DCC: variants seen among roughly 807,000 people sequenced by gnomAD.
DCC encodes netrin receptor DCC.
DCC carries 58 observed loss-of-function variants against 172.5 expected under a neutral mutation model. The ratio of observed to expected loss-of-function variants is 0.34; its 90% CI spans 0.27 to 0.42. DCC has a LOEUF of 0.42. Ranked by LOEUF, DCC falls within the 10% of genes least tolerant of loss-of-function variation. The pLI, the probability that DCC is intolerant of heterozygous loss-of-function variation, is 1.00. For synonymous variants in DCC, 709 were observed against 644.5 expected (o/e 1.10, Z -1.52); for missense variants, 1,740 against 1,791.0 (o/e 0.97, Z 0.51).
intron 1 of DCC, among the ~76,000 whole-genome samples, chr18:52,494,865 A>G (rs898293987): frequency 1.3e-5 from 2 of 152,050 alleles, no homozygotes; most frequent in African/African-American, 4.8e-5. Flanking sequence ...ATCTTGTCAC[A>G]CCTAGTAATT....
intron 15 of DCC, among the ~76,000 whole-genome samples, chr18:53,358,050 G>A (rs1326264293): frequency 6.6e-6 from 1 of 152,006 alleles, no homozygotes; most frequent in Non-Finnish European, 1.5e-5. Context: ...GATTGTAAAT[G>A]CTTCTTATTT....
intron 12 of DCC, among the ~76,000 whole-genome samples, chr18:53,251,128 T>G (rs1461553293): frequency 6.6e-6 from 1 of 151,946 alleles, no homozygotes; most frequent in Non-Finnish European, 1.5e-5. Flanking sequence ...TATTCCCTGA[T>G]CTGATTATTA....
chr18:52,398,841 C>G (rs1986331473), intron 1 of DCC, among the ~76,000 whole-genome samples: 1 of 151,760 alleles, frequency 6.6e-6, no homozygotes, highest in African/African-American at 2.4e-5. Flanking sequence ...AAGGGATGTC[C>G]TTTTCTAATT....
intron 5 of DCC, among the ~76,000 whole-genome samples, chr18:52,969,289 C>A (rs2040983965): frequency 6.6e-6 from 1 of 152,008 alleles, no homozygotes; most frequent in Non-Finnish European, 1.5e-5. Context: ...GCATCTAAAG[C>A]ACCAAATAGC....
intron 1 of DCC, among the ~76,000 whole-genome samples, chr18:52,623,474 T>C (rs2034518458): frequency 6.6e-6 from 1 of 152,156 alleles, no homozygotes; most frequent in Admixed American, 6.5e-5. Context: ...GTTTCTAAAG[T>C]GTGGGGGGAG....
At chr18:53,335,009 T>A (rs572702042) in intron 14 of DCC, among the ~76,000 whole-genome samples, 1 of 152,182 alleles carries the variant, frequency 6.6e-6, no homozygotes, top group Non-Finnish European at 1.5e-5. Context: ...TGAGGGACCC[T>A]TATATGGTTT....
intron 7 of DCC, among the ~76,000 whole-genome samples, chr18:53,104,638 C>T (rs1598805915): frequency 6.6e-6 from 1 of 152,036 alleles, no homozygotes; most frequent in African/African-American, 2.4e-5. Context: ...TTGTTTATCA[C>T]TGGAACAGTT....
intron 14 of DCC, among the ~76,000 whole-genome samples, chr18:53,333,726 T>C (rs540274188): frequency 6.6e-6 from 1 of 152,340 alleles, no homozygotes; most frequent in African/African-American, 2.4e-5. Flanking sequence ...TGGGGGGTTT[T>C]GAGCAGAGCA....
chr18:52,723,885 G>A (rs116405775), intron 1 of DCC, among the ~76,000 whole-genome samples: 3,225 of 152,244 alleles, frequency 0.021, 102 homozygotes, highest in African/African-American at 0.073. Context: ...GTGCTTGATC[G>A]GAGACGACAT....
intron 3 of DCC, among the ~76,000 whole-genome samples, chr18:52,908,443 C>T (rs936704659): frequency 5.9e-5 from 9 of 152,108 alleles, no homozygotes; most frequent in African/African-American, 2.2e-4. Context: ...TATTTATATT[C>T]ACATATTATT....
Position 52,752,208 on chromosome 18 carries a change from C to T in DCC, c.246C>T (p.Ala82=), listed in dbSNP as rs1455776382. The change falls in exon 2 of 29, where the codon GCC becomes GCT. Residue 82 remains alanine, a synonymous_variant. Coordinates refer to ENST00000442544, the MANE Select transcript of DCC (RefSeq NM_005215.4). ...GGAAGAAAGATGGCATTCATCTGGC[C>T]TTGGGAATGGATGAAAGGAAGCAGC... ...IKWKKDGIHL[A]LGMDERKQQL... The T allele has an allele frequency of 2.5e-6, 4 of 1,614,136 alleles. No homozygotes were observed. Among genetic ancestry groups the T allele is most frequent in the South Asian group, 2.2e-5 (2 of 91,076 alleles).
intron 5 of DCC, among the ~76,000 whole-genome samples, chr18:52,952,667 A>T (rs766298015): frequency 5.3e-5 from 8 of 152,072 alleles, no homozygotes; most frequent in Non-Finnish European, 1.2e-4. Context: ...TTACTTCTTT[A>T]TATGTTGACA....
intron 2 of DCC, among the ~76,000 whole-genome samples, chr18:52,875,383 C>T (rs1162961795): frequency 6.6e-6 from 1 of 152,008 alleles, no homozygotes; most frequent in Non-Finnish European, 1.5e-5. Flanking sequence ...TTAATTTTTA[C>T]CAAAGAAAAG....
intron 17 of DCC, among the ~76,000 whole-genome samples, chr18:53,393,042 G>A (rs1908669904): frequency 6.6e-6 from 1 of 152,150 alleles, no homozygotes; most frequent in Non-Finnish European, 1.5e-5. Flanking sequence ...TAGCTCTTGA[G>A]GAGATTTTAG....
intron 1 of DCC, among the ~76,000 whole-genome samples, chr18:52,451,950 G>A (rs188257334): frequency 3.3e-5 from 5 of 152,154 alleles, no homozygotes; most frequent in African/African-American, 7.2e-5. Context: ...AATTCCAAGA[G>A]AGATAATGTG....
chr18:52,612,775 A>T, intron 1 of DCC, among the ~76,000 whole-genome samples: 1 of 152,180 alleles, frequency 6.6e-6, no homozygotes, highest in East Asian at 1.9e-4. Context: ...ATATCTCATA[A>T]GTATATGTTG....
At chr18:52,440,588 A>G (rs1987943111) in intron 1 of DCC, among the ~76,000 whole-genome samples, 1 of 152,332 alleles carries the variant, frequency 6.6e-6, no homozygotes, top group African/African-American at 2.4e-5. Flanking sequence ...GCCTCACACA[A>G]TGGGAACTCA....
chr18:52,932,937 T>C (rs2040329791), intron 5 of DCC, among the ~76,000 whole-genome samples: 1 of 152,066 alleles, frequency 6.6e-6, no homozygotes, highest in South Asian at 2.1e-4. Context: ...TGCAAATAGA[T>C]AATAGACTAA....
At chr18:53,179,248 T>C (rs2055157379) in intron 9 of DCC, 132 bp downstream of exon 9, 4 of 885,750 alleles carry the variant, frequency 4.5e-6, no homozygotes, top group Non-Finnish European at 5.4e-6. Flanking sequence ...AGTAAACTTA[T>C]ATAACTCGAG....
Sources: allele counts gnomAD v4.1 joint callset (sites outside exome capture counted in the v4.1 genomes callset), GRCh38; gene constraint gnomAD v4.1.1; transcripts MANE v1.5; gene names NCBI Gene and HGNC (gene_info 2026-07-23, HGNC 2026-07-21).